The following RAB7A variants were observed in gnomAD, a reference collection of about 807,000 sequenced individuals.
RAB7A encodes the protein ras-related protein Rab-7a.
RAB7A carries 2 observed loss-of-function variants against 24.5 expected under a neutral mutation model. The ratio of observed to expected loss-of-function variants is 0.08; its 90% CI spans 0.03 to 0.26. RAB7A has a LOEUF of 0.26. Among genes scored for constraint, RAB7A ranks in the 10% least tolerant of loss-of-function variants. The probability of loss-of-function intolerance (pLI) is 1.00; values close to 1 mark genes in which losing one functional copy is unlikely to be tolerated. For missense variants in RAB7A, 118 were observed against 255.7 expected, an observed-to-expected ratio of 0.46 and a Z score of 3.67; for synonymous variants, 100 against 95.9, an observed-to-expected ratio of 1.04 and a Z score of -0.25.
chr3:128,732,270 C>T (rs868169081), intron 1 of RAB7A, among the ~76,000 whole-genome samples: 1 of 151,784 alleles, frequency 6.6e-6, no homozygotes, highest in African/African-American at 2.4e-5. Flanking sequence ...AATCCCTTGA[C>T]CCTGTGATCC....
intron 1 of RAB7A, among the ~76,000 whole-genome samples, chr3:128,731,314 G>T (rs2070434419): frequency 6.6e-6 from 1 of 152,086 alleles, no homozygotes; most frequent in African/African-American, 2.4e-5. Flanking sequence ...CTTATATGTG[G>T]TATTCAGTCA....
intron 2 of RAB7A, among the ~76,000 whole-genome samples, chr3:128,795,939 G>C (rs1427106325): frequency 2.6e-5 from 4 of 151,672 alleles, no homozygotes; most frequent in African/African-American, 9.7e-5. Flanking sequence ...TTTTGGTAGA[G>C]ATGGGGTTTC....
At chr3:128,747,027 G>A (rs1438643899) in intron 1 of RAB7A, among the ~76,000 whole-genome samples, 1 of 151,634 alleles carries the variant, frequency 6.6e-6, no homozygotes, top group Non-Finnish European at 1.5e-5. Flanking sequence ...ATAATAGGCT[G>A]GGTGCGGTGG....
chr3:128,782,000 G>C (rs1000125580), intron 1 of RAB7A, among the ~76,000 whole-genome samples: 3 of 152,000 alleles, frequency 2.0e-5, no homozygotes, highest in Non-Finnish European at 4.4e-5. Context: ...GCGACAGAGC[G>C]AGACTCCATC....
At chr3:128,796,854 G>C (rs974253299) in intron 2 of RAB7A, among the ~76,000 whole-genome samples, 2 of 152,120 alleles carry the variant, frequency 1.3e-5, no homozygotes, top group African/African-American at 4.8e-5. Flanking sequence ...TATAGAGACA[G>C]GGTTCTACCA....
At chr3:128,749,346 G>A (rs1281790607) in intron 1 of RAB7A, 1 of 152,180 alleles carries the variant, frequency 6.6e-6, no homozygotes, top group African/African-American at 2.4e-5. Flanking sequence ...TATATACTTT[G>A]GTATAGTCTC....
intron 1 of RAB7A, among the ~76,000 whole-genome samples, chr3:128,774,787 T>C (rs868411234): frequency 1.3e-5 from 2 of 152,154 alleles, no homozygotes; most frequent in African/African-American, 4.8e-5. Flanking sequence ...TTAGCCAGGA[T>C]GGTCTCGATC....
chr3:128,802,662 C>A (rs574210805), intron 3 of RAB7A, among the ~76,000 whole-genome samples: 2 of 151,888 alleles, frequency 1.3e-5, no homozygotes, highest in South Asian at 4.2e-4. Flanking sequence ...TGTGTGCCAC[C>A]ACGCCCAGCT....
intron 1 of RAB7A, among the ~76,000 whole-genome samples, chr3:128,745,052 T>C (rs1387021069): frequency 6.6e-6 from 1 of 151,970 alleles, no homozygotes; most frequent in Non-Finnish European, 1.5e-5. Flanking sequence ...TTTTTTGTAT[T>C]TTTAGTAGAG....
chr3:128,740,897 CAAAAAAAAAAA>C (rs59043831), intron 1 of RAB7A, among the ~76,000 whole-genome samples: 38 of 79,596 alleles, frequency 4.8e-4, no homozygotes, highest in Admixed American at 1.6e-3. Flanking sequence ...GGAGATGTCT[CAAAAAAAAAAA>C]AAAAAAAAAA....
chr3:128,746,585 G>A (rs1191811191), intron 1 of RAB7A, among the ~76,000 whole-genome samples: 1 of 151,848 alleles, frequency 6.6e-6, no homozygotes, highest in Admixed American at 6.6e-5. Context: ...CTGGAGTGCA[G>A]TGGCGCAATC....
intron 4 of RAB7A, 66 bp from the exon 5 acceptor site, chr3:128,807,477 G>GGGA: frequency 6.2e-7 from 1 of 1,609,934 alleles, no homozygotes. Flanking sequence ...ACACTTCCTG[G>GGGA]GGAGGATGGA....
chr3:128,797,511 C>A lies in RAB7A; in HGVS notation c.54-432C>A, dbSNP rs144360487. On this transcript the variant is annotated intron_variant, in intron 2 of 5. Coordinates refer to ENST00000265062, the MANE Select transcript of RAB7A (RefSeq NM_004637.6). ...GTGTGTGTCTGCTGAAAGCCAAGGT[C>A]TTCCTCCTGGTGTTACTTCATCAAG... is the stretch of plus-strand genomic sequence containing the variant. Among the ~76,000 whole-genome samples, 581 of 152,308 alleles carry A rather than the reference C, an allele frequency of 3.8e-3. 2 individuals carry two copies. The highest frequency in any genetic ancestry group is 6.3e-3 in the Non-Finnish European group (426 of 68,024).
chr3:128,736,214 C>A (rs2070488311), intron 1 of RAB7A, among the ~76,000 whole-genome samples: 1 of 151,526 alleles, frequency 6.6e-6, no homozygotes, highest in African/African-American at 2.4e-5. Context: ...TATCTTGGAG[C>A]CACTGTGTGT....
In RAB7A at chr3:128,806,866, C is replaced by T. The variant is rs61008956; in HGVS notation, c.399+276C>T. On this transcript the variant is annotated intron_variant, in intron 4 of 5. Coordinates refer to ENST00000265062, the MANE Select transcript of RAB7A (RefSeq NM_004637.6). ...TTTCTGCACTTTGAAGGAGGGAATTCGGTTTTGTCATTCTCAGTAGTGCCC... is the reference window on the plus strand; with the variant it reads ...TTTCTGCACTTTGAAGGAGGGAATTTGGTTTTGTCATTCTCAGTAGTGCCC... 0.11 allele frequency among the ~76,000 whole-genome samples: 17,082 copies of T among 152,284 alleles called. 1,053 individuals carry two copies. The highest frequency in any genetic ancestry group is 0.16 in the South Asian group (795 of 4,824).
chr3:128,758,274 G>GTTTT (rs35360318), intron 1 of RAB7A, among the ~76,000 whole-genome samples: 5 of 126,724 alleles, frequency 3.9e-5, no homozygotes, highest in Admixed American at 8.0e-5. Flanking sequence ...TTGTTTTTTT[G>GTTTT]TTTTTTTTTT....
intron 5 of RAB7A, among the ~76,000 whole-genome samples, chr3:128,809,821 G>GCTGGGAT (rs1285986158): frequency 6.6e-6 from 1 of 151,636 alleles, no homozygotes; most frequent in Non-Finnish European, 1.5e-5. Context: ...GCTCGTATGT[G>GCTGGGAT]CTGGGATCTG....
At position 128,774,168 on chromosome 3, in the gene RAB7A, C is replaced by T. The variant is rs62272589; in HGVS notation, c.-8-21192C>T. Reference sequence around the variant, plus strand: ...GAAAGAGGTCTATCTATATATTCCCCTAATATATGTATTAACTAAAAAAAA... The same window carrying T: ...GAAAGAGGTCTATCTATATATTCCCTTAATATATGTATTAACTAAAAAAAA... On this transcript the variant is annotated intron_variant, in intron 1 of 5. Transcript: ENST00000265062. 4.7e-3 allele frequency among the ~76,000 whole-genome samples: 682 copies of T among 146,300 alleles called. 1 individual carries two copies. Among genetic ancestry groups the T allele is most frequent in the Middle Eastern group, 7.2e-3 (2 of 276 alleles).
In RAB7A at chr3:128,788,755, C is replaced by G. The variant is rs530441874; in HGVS notation, c.-8-6605C>G. Among the ~76,000 whole-genome samples, 260 of 152,330 alleles carry G rather than the reference C, an allele frequency of 1.7e-3. 1 individual carries two copies. The highest frequency in any genetic ancestry group is 2.9e-3 in the Non-Finnish European group (194 of 68,028). ...ATTTTCACCATAGCAGTCCTTTGCC[C>G]TTCCCCTAGGTACCCCTGTGTATTC... On this transcript the variant is annotated intron_variant, in intron 1 of 5. Transcript: ENST00000265062.
Sources: allele counts gnomAD v4.1 joint callset (sites outside exome capture counted in the v4.1 genomes callset), GRCh38; gene constraint gnomAD v4.1.1; transcripts MANE v1.5; gene names NCBI Gene and HGNC (gene_info 2026-07-23, HGNC 2026-07-21).